Variants in EYS observed in about 807,000 individuals in gnomAD.
EYS encodes protein eyes shut homolog.
EYS carries 250 observed loss-of-function variants against 282.1 expected under a neutral mutation model. That is an observed-to-expected ratio of 0.89 (90% CI 0.80 to 0.98). EYS has a LOEUF of 0.98. EYS is among the 50% of genes least tolerant of loss of function. EYS has a pLI of 0.00. For missense variants in EYS, 4,016 were observed against 3,709.0 expected, an observed-to-expected ratio of 1.08 and a Z score of -2.15; for synonymous variants, 1,355 against 1,282.9, an observed-to-expected ratio of 1.06 and a Z score of -1.20.
chr6:63,763,871 TA>T (rs1420419220), intron 40 of EYS, among the ~76,000 whole-genome samples: 310 of 21,248 alleles, frequency 0.015, 2 homozygotes, highest in African/African-American at 0.036. Context: ...TATATCTTGT[TA>T]TATATATATA....
intron 8 of EYS, among the ~76,000 whole-genome samples, chr6:65,371,388 G>A (rs1490597421): frequency 6.6e-6 from 1 of 151,620 alleles, no homozygotes; most frequent in Non-Finnish European, 1.5e-5. Context: ...GATACCTAGG[G>A]AGGACTGTAT....
In EYS at chr6:65,246,310, G is replaced by A. The variant is rs1240894894; in HGVS notation, c.2023+49553C>T. 2.6e-5 allele frequency among the ~76,000 whole-genome samples: 4 copies of A among 151,982 alleles called. No homozygotes were observed. In the East Asian group the frequency reaches 5.8e-4, roughly 22 times the overall value. On this transcript the variant is annotated intron_variant, in intron 12 of 42. Coordinates refer to ENST00000503581, the MANE Select transcript of EYS (RefSeq NM_001142800.2). ...TATAGGTGACTTTTCTGCCTATATT[G>A]TGAATATGAAAATGTATAGGGACAA...
intron 12 of EYS, among the ~76,000 whole-genome samples, chr6:65,214,221 G>A (rs886142297): frequency 1.4e-5 from 2 of 144,870 alleles, no homozygotes; most frequent in African/African-American, 5.1e-5. Flanking sequence ...AAAAAGTTAG[G>A]CCTCTTGTAC....
At chr6:65,565,959 G>A (rs1769266520) in intron 2 of EYS, among the ~76,000 whole-genome samples, 1 of 151,988 alleles carries the variant, frequency 6.6e-6, no homozygotes, top group African/African-American at 2.4e-5. Context: ...GGGGTGGGGG[G>A]CTAGAGGAGT....
chr6:65,164,460 T>C (rs1283808409), intron 12 of EYS, among the ~76,000 whole-genome samples: 2 of 151,266 alleles, frequency 1.3e-5, no homozygotes, highest in Non-Finnish European at 3.0e-5. Context: ...TTCCTTTTCT[T>C]ACTATATGCT....
At chr6:65,074,581 CAG>C (rs1561952842) in intron 12 of EYS, among the ~76,000 whole-genome samples, 1 of 151,994 alleles carries the variant, frequency 6.6e-6, no homozygotes, top group Non-Finnish European at 1.5e-5. Flanking sequence ...CTTCTAGAAG[CAG>C]AGTGTATGAT....
intron 8 of EYS, among the ~76,000 whole-genome samples, chr6:65,366,827 T>C (rs1200291909): frequency 6.6e-6 from 1 of 151,610 alleles, no homozygotes; most frequent in Non-Finnish European, 1.5e-5. Context: ...TTTTCTCAGC[T>C]TCTATTGGTA....
intron 2 of EYS, among the ~76,000 whole-genome samples, chr6:65,594,488 A>G (rs981968970): frequency 6.6e-6 from 1 of 151,972 alleles, no homozygotes; most frequent in Non-Finnish European, 1.5e-5. Context: ...TTTGCAGTAG[A>G]GACATTTTCC....
At chr6:64,094,127 C>T (rs1772487049) in intron 31 of EYS, among the ~76,000 whole-genome samples, 1 of 151,980 alleles carries the variant, frequency 6.6e-6, no homozygotes, top group South Asian at 2.1e-4. Context: ...GGTGGATAAG[C>T]TTTTTGATGT....
intron 35 of EYS, among the ~76,000 whole-genome samples, chr6:63,929,466 A>T (rs1764821460): frequency 6.6e-6 from 1 of 152,192 alleles, no homozygotes; most frequent in Non-Finnish European, 1.5e-5. Flanking sequence ...GAAAGGTTTG[A>T]GTATCCCTTT....
In EYS at chr6:63,892,711, A is replaced by G. The variant is rs532269697; in HGVS notation, c.7056-28353T>C. Among the ~76,000 whole-genome samples the G allele has an allele frequency of 4.6e-5, 7 of 152,350 alleles. No individual in the cohort carries two copies. In the South Asian group the frequency reaches 1.2e-3, roughly 27 times the overall value. ...TGAAACACCAAAAGCAATTGTAACA[A>G]AAGCCAAAATGGACAAATGGGGTCT... is the stretch of plus-strand genomic sequence containing the variant. On this transcript the variant is annotated intron_variant, in intron 35 of 42. Coordinates refer to ENST00000503581, the MANE Select transcript of EYS (RefSeq NM_001142800.2).
chr6:64,707,392 A>G (rs62418865), intron 22 of EYS, among the ~76,000 whole-genome samples: 52,400 of 151,690 alleles, frequency 0.35, 9,481 homozygotes, highest in Middle Eastern at 0.42. Flanking sequence ...ATTGGGGGCC[A>G]GGCATGGTGG....
chr6:64,152,812 G>C (rs1361002622), intron 31 of EYS, among the ~76,000 whole-genome samples: 1 of 151,966 alleles, frequency 6.6e-6, no homozygotes, highest in Non-Finnish European at 1.5e-5. Context: ...CATTCATTAA[G>C]GTTTACAAGG....
chr6:65,111,957 A>G (rs938423889), intron 12 of EYS, among the ~76,000 whole-genome samples: 1 of 152,118 alleles, frequency 6.6e-6, no homozygotes, highest in African/African-American at 2.4e-5. Flanking sequence ...ACTCACTTTC[A>G]ACTTGGAGCT....
chr6:65,401,567 A>T (rs1766499708), intron 7 of EYS, among the ~76,000 whole-genome samples: 1 of 151,876 alleles, frequency 6.6e-6, no homozygotes, highest in Admixed American at 6.6e-5. Context: ...GACAGAATGG[A>T]TTACAGTTTT....
At chr6:64,438,852 A>G (rs1296686623) in intron 27 of EYS, among the ~76,000 whole-genome samples, 1 of 151,594 alleles carries the variant, frequency 6.6e-6, no homozygotes, top group Non-Finnish European at 1.5e-5. Context: ...CCTTTTGAGC[A>G]AAATACTCTG....
At chr6:65,440,640 T>G (rs2150391811) in intron 5 of EYS, among the ~76,000 whole-genome samples, 1 of 151,332 alleles carries the variant, frequency 6.6e-6, no homozygotes, top group South Asian at 2.1e-4. Flanking sequence ...ATAAACATCC[T>G]CATAAAGCTG....
intron 5 of EYS, among the ~76,000 whole-genome samples, chr6:65,453,691 A>AATGGTTACCAATG (rs1439589487): frequency 2.6e-5 from 4 of 151,814 alleles, no homozygotes; most frequent in Non-Finnish European, 5.9e-5. Flanking sequence ...TCCCCCCTAC[A>AATGGTTACCAATG]GTCTCTGGTA....
At chr6:64,187,385 T>G (rs1174466040) in intron 31 of EYS, among the ~76,000 whole-genome samples, 1 of 152,124 alleles carries the variant, frequency 6.6e-6, no homozygotes, top group Non-Finnish European at 1.5e-5. Flanking sequence ...TATGCCAAAA[T>G]TAAATTGTAT....
Sources: gnomAD v4.1 joint callset for allele counts (sites outside exome capture counted in the v4.1 genomes callset) on GRCh38, gnomAD v4.1.1 for gene constraint, MANE v1.5 for transcripts, NCBI Gene and HGNC (gene_info 2026-07-23, HGNC 2026-07-21) for gene names.